EYA1: variants seen among roughly 807,000 people sequenced by gnomAD.
EYA1 encodes protein phosphatase EYA1.
EYA1 carries 16 observed loss-of-function variants against 82.0 expected under a neutral mutation model. The observed-to-expected ratio is 0.20, with a 90% CI of 0.13 to 0.30. EYA1 has a LOEUF of 0.30. Among genes scored for constraint, EYA1 ranks in the 10% least tolerant of loss-of-function variants. The probability of loss-of-function intolerance (pLI) is 1.00; values close to 1 mark genes in which losing one functional copy is unlikely to be tolerated. For synonymous variants in EYA1, 261 were observed against 264.4 expected (o/e 0.99, Z 0.12); for missense variants, 633 against 730.7 (o/e 0.87, Z 1.54).
At chr8:71,275,697 T>G (rs1817086875) in intron 9 of EYA1, among the ~76,000 whole-genome samples, 1 of 152,120 alleles carries the variant, frequency 6.6e-6, no homozygotes, top group Non-Finnish European at 1.5e-5. Flanking sequence ...AAAGACTGAA[T>G]CTGAGTACTT....
chr8:71,507,395 C>T (rs1812270753), intron 2 of EYA1, among the ~76,000 whole-genome samples: 2 of 152,090 alleles, frequency 1.3e-5, no homozygotes, highest in Non-Finnish European at 2.9e-5. Context: ...CTCATACTGA[C>T]AAAATTTTAA....
At chr8:71,285,900 A>G (rs1187685113) in intron 9 of EYA1, among the ~76,000 whole-genome samples, 3 of 152,184 alleles carry the variant, frequency 2.0e-5, no homozygotes, top group Admixed American at 1.3e-4. Context: ...TTGATATCCC[A>G]CTTTTCTAAA....
chr8:71,445,653 T>C (rs1458519390), intron 2 of EYA1, among the ~76,000 whole-genome samples: 3 of 152,220 alleles, frequency 2.0e-5, no homozygotes, highest in African/African-American at 7.2e-5. Context: ...GTTTTGTTTT[T>C]TGAGACTGAG....
intron 2 of EYA1, among the ~76,000 whole-genome samples, chr8:71,480,670 A>G (rs1462914830): frequency 1.3e-5 from 2 of 152,208 alleles, no homozygotes; most frequent in African/African-American, 4.8e-5. Context: ...GATTCAAAAT[A>G]ATACATGTTA....
chr8:71,242,502 T>C (rs908480645), intron 12 of EYA1, among the ~76,000 whole-genome samples: 3 of 151,524 alleles, frequency 2.0e-5, no homozygotes, highest in African/African-American at 7.4e-5. Flanking sequence ...TTCAGTAACT[T>C]CATAGACTGC....
chr8:71,546,627 G>C (rs564646478), intron 1 of EYA1, among the ~76,000 whole-genome samples: 155 of 150,712 alleles, frequency 1.0e-3, no homozygotes, highest in African/African-American at 3.5e-3. Context: ...TCAGCCTCCC[G>C]AGTAGCTGGG....
intron 17 of EYA1, chr8:71,204,068 T>C (rs1408806533): frequency 1.3e-5 from 2 of 152,154 alleles, no homozygotes; most frequent in African/African-American, 4.8e-5. Context: ...TTAACAGAAA[T>C]GACAGCTGGA....
chr8:71,419,404 C>T (rs1369896197), intron 2 of EYA1, among the ~76,000 whole-genome samples: 2 of 152,170 alleles, frequency 1.3e-5, no homozygotes, highest in Non-Finnish European at 2.9e-5. Context: ...ATAGGACAGC[C>T]TATGCCATGA....
intron 2 of EYA1, among the ~76,000 whole-genome samples, chr8:71,438,290 G>C (rs1806152756): frequency 6.6e-6 from 1 of 151,882 alleles, no homozygotes; most frequent in South Asian, 2.1e-4. Flanking sequence ...CAAATACATT[G>C]AATACAGAAT....
At chr8:71,400,905 G>C (rs1829920724) in intron 2 of EYA1, among the ~76,000 whole-genome samples, 1 of 152,184 alleles carries the variant, frequency 6.6e-6, no homozygotes, top group South Asian at 2.1e-4. Context: ...ATCAATGATA[G>C]AATGGATAAA....
chr8:71,401,270 A>G (rs187099804), intron 2 of EYA1, among the ~76,000 whole-genome samples: 1 of 152,356 alleles, frequency 6.6e-6, no homozygotes, highest in African/African-American at 2.4e-5. Context: ...TGTCCTGCAC[A>G]TGTATCCCAG....
At chr8:71,319,977 C>T (rs540846479) in intron 6 of EYA1, among the ~76,000 whole-genome samples, 17 of 152,212 alleles carry the variant, frequency 1.1e-4, no homozygotes, top group African/African-American at 3.6e-4. Context: ...CCATGGAAAA[C>T]TCTGGAATCA....
intron 11 of EYA1, among the ~76,000 whole-genome samples, chr8:71,266,228 C>A (rs1447610687): frequency 6.6e-6 from 1 of 152,144 alleles, no homozygotes; most frequent in African/African-American, 2.4e-5. Context: ...CACATGCTCC[C>A]CTTGACAATG....
At chr8:71,267,397 A>T (rs1239209327) in intron 11 of EYA1, among the ~76,000 whole-genome samples, 1 of 152,194 alleles carries the variant, frequency 6.6e-6, no homozygotes, top group African/African-American at 2.4e-5. Context: ...CCAAAGTCAC[A>T]TGCAGGAAGA....
At chr8:71,265,901 C>A (rs965833515) in intron 11 of EYA1, among the ~76,000 whole-genome samples, 1 of 152,224 alleles carries the variant, frequency 6.6e-6, no homozygotes, top group Non-Finnish European at 1.5e-5. Flanking sequence ...CTGTGCCCAG[C>A]ACCCTCTTTT....
chr8:71,451,622 T>TA (rs1224355089), intron 2 of EYA1, among the ~76,000 whole-genome samples: 1 of 152,240 alleles, frequency 6.6e-6, no homozygotes. Flanking sequence ...TACATATCTT[T>TA]ACCTTTACCA....
upstream of EYA1, among the ~76,000 whole-genome samples, chr8:71,362,891 T>C (rs1276811206): frequency 1.3e-5 from 2 of 152,204 alleles, no homozygotes; most frequent in East Asian, 3.8e-4. Flanking sequence ...GATACATGAC[T>C]TTGGTGATAA....
intron 2 of EYA1, among the ~76,000 whole-genome samples, chr8:71,379,738 A>C (rs1828586120): frequency 6.6e-6 from 1 of 152,150 alleles, no homozygotes; most frequent in African/African-American, 2.4e-5. Flanking sequence ...CATATCTCTC[A>C]CTTTAAACTC....
intron 2 of EYA1, chr8:71,470,789 A>C (rs1486906924): frequency 2.3e-5 from 10 of 441,610 alleles, no homozygotes; most frequent in Non-Finnish European, 4.0e-5. Flanking sequence ...TGTGGCTAAA[A>C]GATGTATGTA....
Sources: allele counts gnomAD v4.1 joint callset (sites outside exome capture counted in the v4.1 genomes callset), GRCh38; gene constraint gnomAD v4.1.1; transcripts MANE v1.5; gene names NCBI Gene and HGNC (gene_info 2026-07-23, HGNC 2026-07-21).